CCDC7: variants seen among roughly 807,000 people sequenced by gnomAD.
The protein encoded by CCDC7 is coiled-coil domain containing 7.
Under a neutral mutation model 196.9 loss-of-function variants are expected in CCDC7, and 183 were observed. That is an observed-to-expected ratio of 0.93 (90% CI 0.82 to 1.05). The LOEUF (loss-of-function observed/expected upper bound fraction) is 1.05, where lower values mean the gene tolerates loss of function less well. Ranked by LOEUF, CCDC7 falls within the 50% of genes least tolerant of loss-of-function variation. The pLI is 0.00. For missense variants in CCDC7, 1,540 were observed against 1,482.2 expected (o/e 1.04, Z -0.64); for synonymous variants, 525 against 484.6 (o/e 1.08, Z -1.10).
chr10:32,754,713 A>C (rs546244530), intron 28 of CCDC7, among the ~76,000 whole-genome samples: 2 of 152,274 alleles, frequency 1.3e-5, no homozygotes, highest in South Asian at 4.1e-4. Flanking sequence ...AGCAACGCAG[A>C]AGATGGGTGA....
At chr10:32,491,795 A>G in intron 8 of CCDC7, 127 bp from the exon 10 acceptor site, 1 of 788,276 alleles carries the variant, frequency 1.3e-6, no homozygotes, top group Non-Finnish European at 1.8e-6. Flanking sequence ...GTTAATAGTC[A>G]TGTAGCCCAT....
intron 20 of CCDC7, among the ~76,000 whole-genome samples, chr10:32,658,162 G>A: frequency 6.6e-6 from 1 of 152,176 alleles, no homozygotes; most frequent in African/African-American, 2.4e-5. Flanking sequence ...ACCTCTGCCT[G>A]TTACCTAGTT....
chr10:32,673,222 G>T (rs1239501372), intron 21 of CCDC7, among the ~76,000 whole-genome samples: 1 of 152,086 alleles, frequency 6.6e-6, no homozygotes, highest in Non-Finnish European at 1.5e-5. Flanking sequence ...AAATCAGGAA[G>T]TATGATGCCT....
At chr10:32,594,582 C>T (rs1024270399) in intron 18 of CCDC7, among the ~76,000 whole-genome samples, 1 of 152,132 alleles carries the variant, frequency 6.6e-6, no homozygotes, top group Non-Finnish European at 1.5e-5. Context: ...ACTTCCAAAA[C>T]TAAGTTGAAT....
At chr10:32,724,044 G>T (rs1324471728) in intron 25 of CCDC7, among the ~76,000 whole-genome samples, 4 of 151,940 alleles carry the variant, frequency 2.6e-5, no homozygotes, top group Admixed American at 2.0e-4. Context: ...AACCCACCAA[G>T]CAAGCTCAGC....
chr10:32,764,932 G>A (rs1401972603), intron 28 of CCDC7, among the ~76,000 whole-genome samples: 19 of 152,068 alleles, frequency 1.2e-4, no homozygotes. Context: ...AGTCTGACTT[G>A]AGATATCTAT....
intron 28 of CCDC7, among the ~76,000 whole-genome samples, chr10:32,746,114 A>G (rs2074680885): frequency 6.6e-6 from 1 of 152,098 alleles, no homozygotes; most frequent in Admixed American, 6.5e-5. Context: ...AGACCAGACC[A>G]TCAAGAAGAC....
chr10:32,575,896 A>G (rs1418072560), intron 16 of CCDC7, among the ~76,000 whole-genome samples: 1 of 152,146 alleles, frequency 6.6e-6, no homozygotes, highest in East Asian at 1.9e-4. Flanking sequence ...GAATATTAGT[A>G]AGGTCACCAG....
intron 28 of CCDC7, among the ~76,000 whole-genome samples, chr10:32,771,474 T>G (rs911706431): frequency 1.3e-5 from 2 of 152,242 alleles, no homozygotes; most frequent in Non-Finnish European, 2.9e-5. Context: ...CTGGCTAATA[T>G]GGTTTCTGCT....
At chr10:32,696,805 C>T (rs1413610896) in intron 24 of CCDC7, among the ~76,000 whole-genome samples, 1 of 152,138 alleles carries the variant, frequency 6.6e-6, no homozygotes, top group Admixed American at 6.5e-5. Flanking sequence ...CTCTGATAAT[C>T]TCTTTTTGCT....
At chr10:32,759,175 A>C (rs1565419646) in intron 28 of CCDC7, among the ~76,000 whole-genome samples, 1 of 152,178 alleles carries the variant, frequency 6.6e-6, no homozygotes, top group East Asian at 1.9e-4. Flanking sequence ...TGCCCAAGGT[A>C]ATTTATAGAT....
At chr10:32,466,949 C>T (rs2036921662) in intron 5 of CCDC7, among the ~76,000 whole-genome samples, 1 of 152,090 alleles carries the variant, frequency 6.6e-6, no homozygotes, top group Non-Finnish European at 1.5e-5. Context: ...TTTGTTTTTA[C>T]ATTTTAATAA....
At chr10:32,656,716 ACCCGG>A (rs1035478441) in intron 20 of CCDC7, among the ~76,000 whole-genome samples, 12 of 152,236 alleles carry the variant, frequency 7.9e-5, no homozygotes, top group Admixed American at 5.2e-4. Flanking sequence ...ATATCATTCC[ACCCGG>A]CCCCTCCCAA....
At chr10:32,876,365 G>A (rs201018466) in exon 42 of CCDC7, 14 of 1,610,614 alleles carry the variant, frequency 8.7e-6, no homozygotes, top group African/African-American at 4.0e-5. Context: ...GCTGCTGCCC[G>A]AAAATCTGTA....
chr10:32,725,439 C>G, intron 25 of CCDC7: 2 of 469,030 alleles, frequency 4.3e-6, no homozygotes, highest in South Asian at 3.1e-5. Context: ...TTTTTTTGTT[C>G]CATATATTAG....
chr10:32,592,857 T>C (rs1340679822), intron 18 of CCDC7, among the ~76,000 whole-genome samples: 1 of 152,214 alleles, frequency 6.6e-6, no homozygotes, highest in African/African-American at 2.4e-5. Context: ...GCTTCATCCA[T>C]GTCCCTATAA....
intron 11 of CCDC7, among the ~76,000 whole-genome samples, chr10:32,526,853 C>G (rs181303425): frequency 4.1e-4 from 62 of 152,258 alleles, no homozygotes; most frequent in Non-Finnish European, 7.8e-4. Flanking sequence ...CGTTGCTGAG[C>G]TGCATTGCCT....
intron 32 of CCDC7, 28 bp from the exon 34 acceptor site, chr10:32,834,787 G>T (rs192930834): frequency 9.3e-7 from 1 of 1,076,914 alleles, no homozygotes; most frequent in Non-Finnish European, 1.4e-6. Context: ...CTTTCAAAGC[G>T]TTTTGAAAAC....
intron 23 of CCDC7, among the ~76,000 whole-genome samples, chr10:32,690,621 T>C (rs1208853250): frequency 6.6e-6 from 1 of 152,224 alleles, no homozygotes. Context: ...AGAAATAGTC[T>C]TATAGAGAAC....
Sources: allele counts gnomAD v4.1 joint callset (sites outside exome capture counted in the v4.1 genomes callset), GRCh38; gene constraint gnomAD v4.1.1; transcripts MANE v1.5; gene names NCBI Gene and HGNC (gene_info 2026-07-23, HGNC 2026-07-21).